The following IL1RAPL2 variants were observed in gnomAD, a reference collection of about 807,000 sequenced individuals.
IL1RAPL2 encodes the protein interleukin 1 receptor accessory protein like 2, also known as X-linked interleukin-1 receptor accessory protein-like 2.
IL1RAPL2 carries 3 observed loss-of-function variants against 44.1 expected under a neutral mutation model. The ratio of observed to expected loss-of-function variants is 0.07; its 90% confidence interval spans 0.03 to 0.18. IL1RAPL2 has a LOEUF of 0.18. IL1RAPL2 is among the 10% of genes least tolerant of loss of function. The probability of loss-of-function intolerance (pLI) is 1.00; values close to 1 mark genes in which losing one functional copy is unlikely to be tolerated. For missense variants in IL1RAPL2, 391 were observed against 496.4 expected (o/e 0.79, Z 2.02); for synonymous variants, 181 against 178.8 (o/e 1.01, Z -0.10).
intron 2 of IL1RAPL2, among the ~76,000 whole-genome samples, chrX:105,062,673 C>T (rs747194772): frequency 1.8e-5 from 2 of 111,188 alleles, no homozygotes; most frequent in Non-Finnish European, 3.8e-5. Flanking sequence ...ATTTTACCTT[C>T]GTGTTTGAAG....
intron 4 of IL1RAPL2, among the ~76,000 whole-genome samples, chrX:105,258,941 A>G (rs1220306335): frequency 9.0e-6 from 1 of 111,480 alleles, no homozygotes; most frequent in Non-Finnish European, 1.9e-5. Flanking sequence ...CTGCCAGTTC[A>G]GCCTGGTTAA....
intron 3 of IL1RAPL2, among the ~76,000 whole-genome samples, chrX:105,205,587 TAAAAAA>T (rs375473348): frequency 2.1e-3 from 17 of 8,200 alleles, no homozygotes; most frequent in Non-Finnish European, 4.1e-3. Context: ...AAGACTCTGT[TAAAAAA>T]AAAAAAAAAA....
chrX:105,053,050 C>T (rs1377539757), intron 2 of IL1RAPL2, among the ~76,000 whole-genome samples: 1 of 110,575 alleles, frequency 9.0e-6, no homozygotes, highest in Non-Finnish European at 1.9e-5. Context: ...AAATCACCTG[C>T]CTTCTGTGTT....
intron 2 of IL1RAPL2, among the ~76,000 whole-genome samples, chrX:105,061,126 C>A: frequency 9.0e-6 from 1 of 111,105 alleles, no homozygotes. Context: ...TAATATGCTA[C>A]ATTAGGCTGT....
At chrX:105,207,656 G>T (rs1417924005) in intron 3 of IL1RAPL2, among the ~76,000 whole-genome samples, 3 of 110,732 alleles carry the variant, frequency 2.7e-5, no homozygotes, top group African/African-American at 9.8e-5. Context: ...GCTCTTTTTT[G>T]CCCTTTCCAA....
chrX:104,840,855 T>G (rs185020844), intron 2 of IL1RAPL2, among the ~76,000 whole-genome samples: 1 of 109,144 alleles, frequency 9.2e-6, no homozygotes, highest in Non-Finnish European at 1.9e-5. Flanking sequence ...TTATTTATTT[T>G]TTTTTTGTAT....
intron 2 of IL1RAPL2, among the ~76,000 whole-genome samples, chrX:105,121,725 A>G (rs2032927340): frequency 9.0e-6 from 1 of 111,574 alleles, no homozygotes; most frequent in African/African-American, 3.3e-5. Flanking sequence ...ATAGCAAAAT[A>G]AAGGCACTCT....
chrX:105,407,970 C>T (rs2035661061), intron 5 of IL1RAPL2, among the ~76,000 whole-genome samples: 1 of 111,655 alleles, frequency 9.0e-6, no homozygotes. Context: ...AATTCAAATA[C>T]CAAATAGTTT....
intron 1 of IL1RAPL2, among the ~76,000 whole-genome samples, chrX:104,598,431 C>A (rs1237661451): frequency 1.8e-5 from 2 of 112,150 alleles, no homozygotes; most frequent in Non-Finnish European, 3.8e-5. Context: ...ATTCATTGGC[C>A]TTTTAGGTTT....
chrX:104,896,823 C>A (rs771644636), intron 2 of IL1RAPL2, among the ~76,000 whole-genome samples: 2 of 111,238 alleles, frequency 1.8e-5, no homozygotes, highest in African/African-American at 3.3e-5. Context: ...ACACTCACTG[C>A]GAAGGTCTGC....
At chrX:105,078,235 C>T (rs374945753) in intron 2 of IL1RAPL2, among the ~76,000 whole-genome samples, 2 of 111,665 alleles carry the variant, frequency 1.8e-5, no homozygotes, top group East Asian at 2.8e-4. Flanking sequence ...TTCTGTTTGT[C>T]AGTTTTCCTT....
At chrX:104,880,475 G>C (rs963918452) in intron 2 of IL1RAPL2, among the ~76,000 whole-genome samples, 2 of 111,447 alleles carry the variant, frequency 1.8e-5, no homozygotes, top group East Asian at 2.8e-4. Flanking sequence ...CAAGAACATA[G>C]AATACATTTT....
chrX:104,586,145 C>T (rs760104963), intron 1 of IL1RAPL2, among the ~76,000 whole-genome samples: 32 of 111,634 alleles, frequency 2.9e-4, no homozygotes, highest in Middle Eastern at 4.6e-3. Context: ...TTCTGACTAG[C>T]GTGAGATGGT....
chrX:104,942,199 A>G (rs1022077623), intron 2 of IL1RAPL2, among the ~76,000 whole-genome samples: 5 of 111,955 alleles, frequency 4.5e-5, no homozygotes, highest in Non-Finnish European at 9.4e-5. Flanking sequence ...TTTTGGTTCC[A>G]TATGAACTTT....
intron 1 of IL1RAPL2, among the ~76,000 whole-genome samples, chrX:104,628,884 G>A (rs916591442): frequency 1.8e-5 from 2 of 112,108 alleles, no homozygotes; most frequent in South Asian, 3.7e-4. Context: ...TGCAGTATGC[G>A]TTGTGATGGT....
chrX:104,915,173 G>C (rs948296132), intron 2 of IL1RAPL2, among the ~76,000 whole-genome samples: 12 of 111,277 alleles, frequency 1.1e-4, no homozygotes, highest in South Asian at 3.8e-4. Flanking sequence ...CTAGTTTACA[G>C]TCCCACCAAC....
intron 3 of IL1RAPL2, chrX:105,220,192 C>A (rs781911318): frequency 1.2e-5 from 14 of 1,211,498 alleles, no homozygotes; most frequent in Non-Finnish European, 1.6e-5. Context: ...CAGGCTGCCC[C>A]AGGTGCAGGC....
intron 2 of IL1RAPL2, among the ~76,000 whole-genome samples, chrX:104,927,521 C>A (rs1924801201): frequency 9.0e-6 from 1 of 111,463 alleles, no homozygotes; most frequent in Admixed American, 9.6e-5. Context: ...GTTTAAAAAT[C>A]ATTCTGAACC....
At chrX:104,892,838 T>C (rs747650111) in intron 2 of IL1RAPL2, among the ~76,000 whole-genome samples, 3 of 111,950 alleles carry the variant, frequency 2.7e-5, no homozygotes, top group South Asian at 7.4e-4. Context: ...CTGCTAGCTT[T>C]TGAATGTGTT....
Sources: gnomAD v4.1 joint callset for allele counts (sites outside exome capture counted in the v4.1 genomes callset) on GRCh38, gnomAD v4.1.1 for gene constraint, MANE v1.5 for transcripts, NCBI Gene and HGNC (gene_info 2026-07-23, HGNC 2026-07-21) for gene names.